Variants in VPS13B observed in about 807,000 individuals in gnomAD.
VPS13B encodes the protein intermembrane lipid transfer protein VPS13B.
A neutral mutation model predicts 426.4 loss-of-function variants in VPS13B; 285 were observed. That is an observed-to-expected ratio of 0.67 (90% CI 0.61 to 0.74). VPS13B has a LOEUF of 0.74. VPS13B is among the 30% of genes least tolerant of loss of function. VPS13B has a pLI of 0.00. For synonymous variants in VPS13B, 1,676 were observed against 1,676.4 expected (o/e 1.00, Z 0.01); for missense variants, 4,537 against 4,782.6 (o/e 0.95, Z 1.51).
At chr8:99,699,974 G>C in intron 36 of VPS13B, 42 bp downstream of exon 36, 1 of 1,598,774 alleles carries the variant, frequency 6.3e-7, no homozygotes, top group Non-Finnish European at 8.5e-7. Context: ...GAACAAGTAA[G>C]ATGATTTGTT....
chr8:99,099,254 A>G (rs1846600486), intron 4 of VPS13B, among the ~76,000 whole-genome samples: 1 of 152,210 alleles, frequency 6.6e-6, no homozygotes, highest in Non-Finnish European at 1.5e-5. Context: ...GCATTTCATA[A>G]AAGACAAGAA....
At chr8:99,588,028 C>A (rs1469991397) in intron 33 of VPS13B, among the ~76,000 whole-genome samples, 1 of 151,682 alleles carries the variant, frequency 6.6e-6, no homozygotes, top group Admixed American at 6.6e-5. Context: ...CTAGTTTCAG[C>A]TTTCTACATA....
intron 56 of VPS13B, among the ~76,000 whole-genome samples, chr8:99,858,154 G>A (rs6468697): frequency 0.72 from 108,904 of 152,104 alleles, 39,830 homozygotes; most frequent in East Asian, 0.87. Context: ...TCCCATTACC[G>A]GGCTCTGAGC....
At chr8:99,660,950 G>T (rs112864748) in intron 34 of VPS13B, among the ~76,000 whole-genome samples, 1 of 152,044 alleles carries the variant, frequency 6.6e-6, no homozygotes, top group Non-Finnish European at 1.5e-5. Flanking sequence ...CTAATCTACT[G>T]TATCTTTGAA....
intron 8 of VPS13B, among the ~76,000 whole-genome samples, chr8:99,123,606 G>C (rs1848053904): frequency 6.6e-6 from 1 of 152,098 alleles, no homozygotes; most frequent in Non-Finnish European, 1.5e-5. Context: ...AAAAGAAATA[G>C]ATAGGAATGC....
At chr8:99,579,878 A>C (rs1272514824) in intron 33 of VPS13B, among the ~76,000 whole-genome samples, 2 of 151,338 alleles carry the variant, frequency 1.3e-5, no homozygotes, top group African/African-American at 4.9e-5. Context: ...TTGTATTTTT[A>C]GTAGAGACGT....
At position 99,828,409 on chromosome 8, in the gene VPS13B, T is replaced by TGG; in HGVS notation, c.9331-3960_9331-3959insGG. Among the ~76,000 whole-genome samples the TGG allele has an allele frequency of 2.6e-5, 2 of 76,768 alleles. 1 individual carries two copies. Among genetic ancestry groups the TGG allele is most frequent in the Non-Finnish European group, 5.2e-5 (2 of 38,110 alleles). 50.4% of individuals were successfully genotyped at this position (76,768 alleles called of 152,430 possible). A position where few individuals can be genotyped will look rare whatever the true frequency, so the allele number is the denominator to read the frequency against. On this transcript the variant is annotated intron_variant, in intron 51 of 61. Coordinates refer to ENST00000357162, the MANE Select transcript of VPS13B (RefSeq NM_152564.5). Reference sequence around the variant, plus strand: ...TACAACCACCGTTTTTTTTTTTTTTTTTTTTTTTTTTTTTTTTTTTTTTTT... The same window carrying TGG: ...TACAACCACCGTTTTTTTTTTTTTTTGGTTTTTTTTTTTTTTTTTTTTTTTTT...
intron 16 of VPS13B, among the ~76,000 whole-genome samples, chr8:99,177,017 A>G (rs750956204): frequency 6.6e-5 from 10 of 152,176 alleles, no homozygotes; most frequent in Non-Finnish European, 1.3e-4. Context: ...TTGAGGAGAA[A>G]GGATATCTAC....
chr8:99,076,249 T>G (rs1408885397), intron 3 of VPS13B, among the ~76,000 whole-genome samples: 1 of 152,206 alleles, frequency 6.6e-6, no homozygotes, highest in Non-Finnish European at 1.5e-5. Context: ...TTTTAAAAAT[T>G]TGCTGAGACT....
intron 16 of VPS13B, among the ~76,000 whole-genome samples, chr8:99,183,163 A>G (rs1203118128): frequency 2.6e-5 from 4 of 152,220 alleles, no homozygotes; most frequent in Non-Finnish European, 5.9e-5. Context: ...ATACAAAGAT[A>G]TGTCACATTT....
intron 36 of VPS13B, among the ~76,000 whole-genome samples, chr8:99,710,796 C>T (rs1408114691): frequency 3.3e-5 from 5 of 150,174 alleles, no homozygotes; most frequent in Non-Finnish European, 7.4e-5. Context: ...TGGAGACCAG[C>T]CTGACCAATG....
chr8:99,310,114 C>T (rs1376262130), intron 19 of VPS13B, among the ~76,000 whole-genome samples: 1 of 152,182 alleles, frequency 6.6e-6, no homozygotes, highest in Non-Finnish European at 1.5e-5. Context: ...AATATACAAT[C>T]ATGTCATCTG....
At chr8:99,146,938 A>G (rs1810763909) in intron 13 of VPS13B, among the ~76,000 whole-genome samples, 1 of 152,134 alleles carries the variant, frequency 6.6e-6, no homozygotes, top group Non-Finnish European at 1.5e-5. Flanking sequence ...GTTGGTCAGT[A>G]TTCCAGGGAA....
intron 19 of VPS13B, among the ~76,000 whole-genome samples, chr8:99,377,740 A>G (rs538395595): frequency 6.6e-6 from 1 of 152,258 alleles, no homozygotes; most frequent in Admixed American, 6.5e-5. Context: ...GAGACATCAC[A>G]TGTTGGCAGG....
chr8:99,038,987 T>G (rs900059321), intron 3 of VPS13B, among the ~76,000 whole-genome samples: 4 of 152,096 alleles, frequency 2.6e-5, no homozygotes, highest in African/African-American at 9.7e-5. Flanking sequence ...GCCTGGCCTT[T>G]AATTTGTATA....
At chr8:99,037,343 T>C (rs1842790974) in intron 2 of VPS13B, among the ~76,000 whole-genome samples, 2 of 152,066 alleles carry the variant, frequency 1.3e-5, no homozygotes, top group African/African-American at 4.8e-5. Flanking sequence ...TAAGCACCTT[T>C]ATAATGATTT....
chr8:99,213,859 G>T (rs1588145962), intron 17 of VPS13B, among the ~76,000 whole-genome samples: 1 of 148,536 alleles, frequency 6.7e-6, no homozygotes. Context: ...TCCCTGTTTG[G>T]TATCCTAGCC....
Position 99,479,312 on chromosome 8 carries a change from G to A in VPS13B, c.3667-2287G>A, listed in dbSNP as rs1486170440. Among the ~76,000 whole-genome samples, 7 of 152,106 alleles carry A rather than the reference G, an allele frequency of 4.6e-5. 1 individual carries two copies. The highest frequency in any genetic ancestry group is 1.7e-4 in the African/African-American group (7 of 41,482). On this transcript the variant is annotated intron_variant, in intron 24 of 61. Transcript: ENST00000357162. ...TATAGATTAAATGAAAAAAGTGTGT[G>A]AATAAATTTTTTAAACATAATGTTA...
At chr8:99,764,320 T>C (rs1240884158) in intron 39 of VPS13B, among the ~76,000 whole-genome samples, 1 of 152,170 alleles carries the variant, frequency 6.6e-6, no homozygotes, top group Non-Finnish European at 1.5e-5. Flanking sequence ...CTTTTATTTT[T>C]TAAGACACAT....
Sources: allele counts gnomAD v4.1 joint callset (sites outside exome capture counted in the v4.1 genomes callset), GRCh38; gene constraint gnomAD v4.1.1; transcripts MANE v1.5; gene names NCBI Gene and HGNC (gene_info 2026-07-23, HGNC 2026-07-21).